METTL15: variants seen among roughly 807,000 people sequenced by gnomAD.
METTL15 encodes 12S rRNA N(4)-cytidine methyltransferase METTL15.
In METTL15, 34 loss-of-function variants were observed where a neutral mutation model predicts 38.3. The observed-to-expected ratio is 0.89, with a 90% CI of 0.68 to 1.18. METTL15 has a LOEUF of 1.18. Among genes scored for constraint, METTL15 ranks in the 50% most tolerant of loss-of-function variants. METTL15 has a pLI of 0.00. For synonymous variants in METTL15, 162 were observed against 170.9 expected (o/e 0.95, Z 0.41); for missense variants, 438 against 498.4 (o/e 0.88, Z 1.15).
chr11:28,369,730 TAAAC>T (rs1564908890), intron 5 of METTL15, among the ~76,000 whole-genome samples: 1 of 152,036 alleles, frequency 6.6e-6, no homozygotes, highest in Non-Finnish European at 1.5e-5. Context: ...CTTTCCAAGA[TAAAC>T]AAAAGCTGAG....
downstream of METTL15, among the ~76,000 whole-genome samples, chr11:28,530,955 G>GTTT (rs1851840576): frequency 6.6e-6 from 1 of 151,842 alleles, no homozygotes; most frequent in South Asian, 2.1e-4. Flanking sequence ...GTCTAAGGGG[G>GTTT]TTTAAGCAAC....
intron 6 of METTL15, among the ~76,000 whole-genome samples, chr11:28,442,912 T>A (rs939495549): frequency 6.6e-6 from 1 of 152,234 alleles, no homozygotes; most frequent in Non-Finnish European, 1.5e-5. Flanking sequence ...ATTATAGTAA[T>A]ATTGGAGAAT....
intron 6 of METTL15, among the ~76,000 whole-genome samples, chr11:28,426,584 GTTTTTTTTTTT>G (rs66959082): frequency 2.4e-5 from 2 of 82,342 alleles, no homozygotes; most frequent in Non-Finnish European, 4.7e-5. Flanking sequence ...GCCAGCATCT[GTTTTTTTTTTT>G]TTTTTTTTTT....
Position 28,404,692 on chromosome 11 carries a change from C to T in METTL15, c.*359-19607C>T, listed in dbSNP as rs552503011. Among the ~76,000 whole-genome samples the T allele has an allele frequency of 7.9e-5, 12 of 152,190 alleles. No homozygotes were observed. In the South Asian group the frequency reaches 2.1e-3, roughly 26 times the overall value. ...TGAAGCTTAGTATCCCCAGGTTAAA[C>T]ATCTATATTGTGGAAGACAAAATAA... is the stretch of plus-strand genomic sequence containing the variant. On this transcript the variant is annotated intron_variant and NMD_transcript_variant, in intron 5 of 7. Transcript: ENST00000532947.
intron 6 of METTL15, among the ~76,000 whole-genome samples, chr11:28,526,008 G>A (rs1262078250): frequency 6.6e-6 from 1 of 152,244 alleles, no homozygotes; most frequent in Non-Finnish European, 1.5e-5. Flanking sequence ...AGCACTGCTG[G>A]GGGACCTGGC....
intron 6 of METTL15, among the ~76,000 whole-genome samples, chr11:28,498,185 G>A (rs181083776): frequency 6.9e-4 from 105 of 152,134 alleles, no homozygotes; most frequent in African/African-American, 2.4e-3. Context: ...CATGAATTCC[G>A]GGGGCATTTC....
rs975445160 is a variant in METTL15 at position 28,114,842 on chromosome 11, T to A, written c.270+1238T>A. Among the ~76,000 whole-genome samples the A allele has an allele frequency of 3.3e-5, 5 of 152,322 alleles. 1 individual carries two copies. The South Asian group carries it at 6.2e-4, about 19-fold the overall frequency. On this transcript the variant is annotated intron_variant, in intron 3 of 6. Transcript: ENST00000407364. ...TCCTCTAGGCTTAACTTTTTGAGGC[T>A]GTGACAAACTGTTTCTCAGAGTTGA...
intron 6 of METTL15, among the ~76,000 whole-genome samples, chr11:28,512,971 A>C (rs541445341): frequency 1.3e-5 from 2 of 152,320 alleles, no homozygotes; most frequent in African/African-American, 4.8e-5. Flanking sequence ...GAGGAGGAAG[A>C]GAAAGAGGAG....
At chr11:28,285,012 TAGTG>T (rs1856197924) in intron 4 of METTL15, among the ~76,000 whole-genome samples, 1 of 152,276 alleles carries the variant, frequency 6.6e-6, no homozygotes, top group African/African-American at 2.4e-5. Context: ...GTTCTGGTGA[TAGTG>T]AGTGAGCTCT....
intron 6 of METTL15, among the ~76,000 whole-genome samples, chr11:28,497,527 G>A (rs376418308): frequency 2.0e-5 from 3 of 152,194 alleles, no homozygotes; most frequent in Non-Finnish European, 4.4e-5. Flanking sequence ...ATGCAGGGGT[G>A]TCTTACTCTG....
chr11:28,532,027 A>T (rs1415768558), downstream of METTL15, among the ~76,000 whole-genome samples: 2 of 152,002 alleles, frequency 1.3e-5, no homozygotes, highest in Non-Finnish European at 2.9e-5. Context: ...TTTTAGAAAA[A>T]CGTTAATTTT....
intron 6 of METTL15, among the ~76,000 whole-genome samples, chr11:28,492,941 G>T (rs1851508523): frequency 6.6e-6 from 1 of 152,090 alleles, no homozygotes; most frequent in South Asian, 2.1e-4. Flanking sequence ...GCAAAACCAG[G>T]ACTAGAACTC....
At chr11:28,125,286 A>G (rs929082050) in intron 3 of METTL15, among the ~76,000 whole-genome samples, 5 of 152,056 alleles carry the variant, frequency 3.3e-5, no homozygotes, top group African/African-American at 4.8e-5. Flanking sequence ...TCTTTGAGCA[A>G]TTTATATCAG....
intron 5 of METTL15, among the ~76,000 whole-genome samples, chr11:28,366,787 C>T (rs544924618): frequency 3.3e-5 from 5 of 152,226 alleles, no homozygotes; most frequent in African/African-American, 1.2e-4. Flanking sequence ...TATCTAAAAG[C>T]TCTATGTCAG....
At chr11:28,353,949 A>AAAAAAAAC (rs1473633417) in intron 4 of METTL15, among the ~76,000 whole-genome samples, 3 of 151,738 alleles carry the variant, frequency 2.0e-5, no homozygotes, top group Non-Finnish European at 4.4e-5. Flanking sequence ...AAAAAAAAAA[A>AAAAAAAAC]AAAAGGTGTC....
intron 4 of METTL15, among the ~76,000 whole-genome samples, chr11:28,262,295 A>G (rs1473269233): frequency 2.0e-5 from 3 of 151,450 alleles, no homozygotes; most frequent in South Asian, 4.1e-4. Context: ...ATATATATGT[A>G]TATATACATA....
intron 4 of METTL15, among the ~76,000 whole-genome samples, chr11:28,227,579 T>A (rs1342750941): frequency 6.6e-6 from 1 of 151,816 alleles, no homozygotes; most frequent in Non-Finnish European, 1.5e-5. Flanking sequence ...AGAACTGTAA[T>A]GTGAATGGAT....
chr11:28,491,779 T>C (rs1851497128), intron 6 of METTL15, among the ~76,000 whole-genome samples: 1 of 152,144 alleles, frequency 6.6e-6, no homozygotes. Flanking sequence ...TTTTAAATTA[T>C]AAATATGTCC....
intron 5 of METTL15, among the ~76,000 whole-genome samples, chr11:28,392,471 G>A (rs1850519911): frequency 6.6e-6 from 1 of 152,068 alleles, no homozygotes; most frequent in Admixed American, 6.6e-5. Flanking sequence ...GGGTGCCAAG[G>A]TTATATAATG....
Sources: gnomAD v4.1 joint callset for allele counts (sites outside exome capture counted in the v4.1 genomes callset) on GRCh38, gnomAD v4.1.1 for gene constraint, MANE v1.5 for transcripts, NCBI Gene and HGNC (gene_info 2026-07-23, HGNC 2026-07-21) for gene names.